The following STK25 variants were observed in gnomAD, a reference collection of about 807,000 sequenced individuals.
STK25 encodes serine/threonine kinase 25.
In STK25, 29 loss-of-function variants were observed where a neutral mutation model predicts 53.8. The observed-to-expected ratio is 0.54, with a 90% CI of 0.40 to 0.74. The LOEUF is 0.74. Among genes scored for constraint, STK25 ranks in the 30% least tolerant of loss-of-function variants. The pLI is 0.00. For synonymous variants in STK25, 247 were observed against 238.3 expected (o/e 1.04, Z -0.33); for missense variants, 420 against 568.0 (o/e 0.74, Z 2.65).
rs2065193033 is a variant in STK25 at position 241,496,783 on chromosome 2, C to T, written c.1105-249G>A. On this transcript the variant is annotated intron_variant, in intron 10 of 11. Transcript: ENST00000316586. The surrounding 1 kb of genome is among the most constrained non-coding windows in gnomAD (Gnocchi z 5.8). ...CCCCTACACTCCGGGGAATCTCGGACCTCGGTTCTCAGGAGGGGACCAGAT... is the reference window on the plus strand; with the variant it reads ...CCCCTACACTCCGGGGAATCTCGGATCTCGGTTCTCAGGAGGGGACCAGAT... 6.6e-6 allele frequency among the ~76,000 whole-genome samples: 1 copy of T among 152,282 alleles called. No homozygotes were observed. The highest frequency in any genetic ancestry group is 2.1e-4 in the South Asian group (1 of 4,828).
rs567230316 is a variant in STK25, at chr2:241,496,652, C to G, written c.1105-118G>C. 1.7e-4 allele frequency: 206 copies of G among 1,180,640 alleles called. 1 individual carries two copies. In the South Asian group the frequency reaches 3.1e-3, roughly 18 times the overall value. The allele number at this position is 1,180,640 out of a possible 1,614,324, so 73.1% of individuals were successfully genotyped here. ...TCAGGGCTCTCGCCTAGGAGCCACA[C>G]CCGGGAGCCCTTCAGCAAGCCGGGA... On this transcript the variant is annotated intron_variant, in intron 10 of 11. Transcript: ENST00000316586. The surrounding 1 kb of genome is among the most constrained non-coding windows in gnomAD (Gnocchi z 5.8).
Position 241,494,052 on chromosome 2 carries a change from C to A in STK25, c.*1610G>T. On this transcript the variant is annotated 3_prime_UTR_variant, in exon 12 of 12. Transcript: ENST00000316586. This position sits in a 1 kb window ranked among gnomAD's most constrained non-coding sequence, Gnocchi z 4.9. ...GGGGCCAGCAGCTCAGCCGGGAGGGCCCCAAGCATCGTGCAGGATGGCCCC... is the reference window on the plus strand; with the variant it reads ...GGGGCCAGCAGCTCAGCCGGGAGGGACCCAAGCATCGTGCAGGATGGCCCC... 2 of 1,423,840 alleles carry A rather than the reference C, an allele frequency of 1.4e-6. No homozygotes were observed. The highest frequency in any genetic ancestry group is 9.2e-7 in the Non-Finnish European group (1 of 1,088,540). 88.2% of individuals were successfully genotyped at this position (1,423,840 alleles called of 1,614,324 possible).
intron 5 of STK25, chr2:241,499,642 C>A: frequency 3.3e-6 from 2 of 605,288 alleles, no homozygotes; most frequent in Non-Finnish European, 5.8e-6. Flanking sequence ...GCTCTTCCTG[C>A]ATTTGGCTTT....
chr2:241,499,224 T>C, intron 6 of STK25, 33 bp downstream of exon 6: 1 of 1,613,772 alleles, frequency 6.2e-7, no homozygotes, highest in East Asian at 2.2e-5. Context: ...GAGCCAGGCA[T>C]GGTGCCCGCA....
intron 5 of STK25, 180 bp downstream of exon 5, chr2:241,499,990 CGTT>C: frequency 1.4e-6 from 1 of 692,072 alleles, no homozygotes; most frequent in Middle Eastern, 2.3e-4. Flanking sequence ...ACAAGGAAAC[CGTT>C]ACAAGTAGTA....
upstream of STK25, chr2:241,508,716 A>AGG (rs1320511933): frequency 2.0e-6 from 2 of 984,036 alleles, no homozygotes; most frequent in African/African-American, 3.6e-5. Context: ...AGGCTGCGCG[A>AGG]GAGGGGGCCG....
intron 2 of STK25, among the ~76,000 whole-genome samples, chr2:241,507,022 C>T (rs1355703220): frequency 6.6e-6 from 1 of 152,146 alleles, no homozygotes; most frequent in Non-Finnish European, 1.5e-5. Flanking sequence ...AGTTCCTGCC[C>T]CTACGCGAAC....
rs1474852613 is a variant in STK25, at chr2:241,493,171, G to A, written c.*2491C>T. On this transcript the variant is annotated 3_prime_UTR_variant, in exon 12 of 12. Transcript: ENST00000316586. ...CACACACCCTGTGCTGTGTGAACAG[G>A]GAAACTGGCTCCCTTGGCCCGTGGG... 1.6e-6 allele frequency: 2 copies of A among 1,262,676 alleles called. No homozygotes were observed. The highest frequency in any genetic ancestry group is 4.7e-5 in the East Asian group (2 of 42,212). 78.2% of individuals were successfully genotyped at this position (1,262,676 alleles called of 1,614,324 possible). A position where few individuals can be genotyped will look rare whatever the true frequency, so the allele number is the denominator to read the frequency against.
rs1185706982 is a variant in STK25, at chr2:241,493,788, G to A, written c.*1874C>T. 4.1e-6 allele frequency: 2 copies of A among 485,444 alleles called. No homozygotes were observed. Among genetic ancestry groups the A allele is most frequent in the East Asian group, 6.9e-5 (2 of 28,864 alleles). 30.1% of individuals were successfully genotyped at this position (485,444 alleles called of 1,614,324 possible). Reference sequence around the variant, plus strand: ...ATTTTTGTATTTTTAGTAGAGACAGGGTTTCACCATGTTGGCCAGGCTGGT... The same window carrying A: ...ATTTTTGTATTTTTAGTAGAGACAGAGTTTCACCATGTTGGCCAGGCTGGT... On this transcript the variant is annotated 3_prime_UTR_variant, in exon 12 of 12. Coordinates refer to ENST00000316586, the MANE Select transcript of STK25 (RefSeq NM_001271977.2).
rs2065201485 is a variant in STK25, at chr2:241,496,896, C to T, written c.1105-362G>A. Among the ~76,000 whole-genome samples the T allele has an allele frequency of 1.3e-5, 2 of 152,210 alleles. No individual in the cohort carries two copies. The highest frequency in any genetic ancestry group is 6.5e-5 in the Admixed American group (1 of 15,290). The stretch of plus-strand genomic sequence containing the variant: ...GAAGCCCAGAAACCCCCAAAGCACA[C>T]GGCACCGCCAGGCCCAGATCTGACC... On this transcript the variant is annotated intron_variant, in intron 10 of 11. Transcript: ENST00000316586. This position sits in a 1 kb window ranked among gnomAD's most constrained non-coding sequence, Gnocchi z 5.8.
At chr2:241,507,432 T>C (rs2065902679) in intron 2 of STK25, among the ~76,000 whole-genome samples, 1 of 152,234 alleles carries the variant, frequency 6.6e-6, no homozygotes, top group Admixed American at 6.5e-5. Flanking sequence ...CAACCGCCCG[T>C]CGCAGGGGTT....
Position 241,493,414 on chromosome 2 carries a change from T to C in STK25, c.*2248A>G. ...CAGTTCAAATCCCACGTCTACTTCT[T>C]CCGGGCTGAGAGCAAGTACACATTT... On this transcript the variant is annotated 3_prime_UTR_variant, in exon 12 of 12. Coordinates refer to ENST00000316586, the MANE Select transcript of STK25 (RefSeq NM_001271977.2). The C allele has an allele frequency of 2.5e-6, 4 of 1,613,884 alleles. No individual in the cohort carries two copies. The highest frequency in any genetic ancestry group is 3.4e-6 in the Non-Finnish European group (4 of 1,180,008).
In STK25 at chr2:241,501,619, G is replaced by T; in HGVS notation, c.120C>A (p.Asn40Lys). ...SFGEVYKGIDNHTKEVVAIKI... is the reference protein window; with the variant it reads ...SFGEVYKGIDKHTKEVVAIKI... ...TGATGGCCACCACCTCCTTTGTGTG[G>T]TTATCGATGCCCTTGTAGACCTCCC... is the stretch of plus-strand genomic sequence containing the variant. The change falls in exon 3 of 12, where the codon AAC becomes AAA. Residue 40 changes from asparagine (N) to lysine (K), a missense_variant. Physicochemically the swap from Asn to Lys is moderately conservative, Grantham distance 94 (BLOSUM62 0). Transcript: ENST00000316586. The surrounding 1 kb of genome is among the most constrained non-coding windows in gnomAD (Gnocchi z 5.3). 6.2e-7 allele frequency: 1 copy of T among 1,614,142 alleles called. No individual in the cohort carries two copies. The highest frequency in any genetic ancestry group is 8.5e-7 in the Non-Finnish European group (1 of 1,180,036).
rs767645058 is a variant in STK25, at chr2:241,499,113, G to C, written c.647C>G (p.Ser216Cys). 6.2e-7 allele frequency: 1 copy of C among 1,614,060 alleles called. No individual in the cohort carries two copies. Among genetic ancestry groups the C allele is most frequent in the South Asian group, 1.1e-5 (1 of 91,090 alleles). The change falls in exon 7 of 12, where the codon TCT (serine) becomes TGT (cysteine). Residue 216 changes from serine (S) to cysteine (C), a missense_variant. Transcript: ENST00000316586. ...IELAKGEPPN[S>C]DLHPMRVLFL... is the part of the protein sequence containing the mutation. ...CAGGACGCGCATGGGGTGGAGGTCAGAGTTTGGAGGCTCCCCCTTGGCCAG... is the reference window on the plus strand; with the variant it reads ...CAGGACGCGCATGGGGTGGAGGTCACAGTTTGGAGGCTCCCCCTTGGCCAG...
intron 2 of STK25, among the ~76,000 whole-genome samples, chr2:241,503,642 G>C (rs2065641070): frequency 6.6e-6 from 1 of 150,392 alleles, no homozygotes; most frequent in African/African-American, 2.4e-5. Flanking sequence ...GAACCCAGGA[G>C]GCGGAGATCG....
At chr2:241,507,619 C>T (rs1352372465) in intron 2 of STK25, among the ~76,000 whole-genome samples, 3 of 152,214 alleles carry the variant, frequency 2.0e-5, no homozygotes, top group Non-Finnish European at 4.4e-5. Context: ...GAATGACCCG[C>T]GGCCCAGGCC....
In STK25 at chr2:241,495,336, C is replaced by G. The variant is rs563094650; in HGVS notation, c.*326G>C. On this transcript the variant is annotated 3_prime_UTR_variant, in exon 12 of 12. Coordinates refer to ENST00000316586, the MANE Select transcript of STK25 (RefSeq NM_001271977.2). ...TGCTCTGCGCCTTGGTCTGAGCGGC[C>G]ATAGGGCTGCATGAGTCTGCAGAAG... is the stretch of plus-strand genomic sequence containing the variant. The G allele has an allele frequency of 3.0e-6, 1 of 328,152 alleles. No homozygotes were observed. Among genetic ancestry groups the G allele is most frequent in the African/African-American group, 2.1e-5 (1 of 47,298 alleles). 20.3% of individuals were successfully genotyped at this position (328,152 alleles called of 1,614,324 possible).
rs918086539 is a variant in STK25, at chr2:241,495,564, C to T, written c.*98G>A. On this transcript the variant is annotated 3_prime_UTR_variant, in exon 12 of 12. Coordinates refer to ENST00000316586, the MANE Select transcript of STK25 (RefSeq NM_001271977.2). Reference sequence around the variant, plus strand: ...GGGATCCGACGTGTCCCTGCAGGCACGACATAGCACAGGGCACCTTCCAAG... The same window carrying T: ...GGGATCCGACGTGTCCCTGCAGGCATGACATAGCACAGGGCACCTTCCAAG... 2.9e-5 allele frequency: 40 copies of T among 1,393,366 alleles called. No individual in the cohort carries two copies. The highest frequency in any genetic ancestry group is 4.6e-5 in the East Asian group (2 of 43,628). 86.3% of individuals were successfully genotyped at this position (1,393,366 alleles called of 1,614,324 possible).
chr2:241,506,069 C>T (rs1394417395), intron 2 of STK25, among the ~76,000 whole-genome samples: 1 of 152,236 alleles, frequency 6.6e-6, no homozygotes, highest in African/African-American at 2.4e-5. Context: ...GCTCTGGCAC[C>T]CCACAGCCAT....
Sources: allele counts gnomAD v4.1 joint callset (sites outside exome capture counted in the v4.1 genomes callset), GRCh38; gene constraint gnomAD v4.1.1; non-coding constraint Gnocchi (gnomAD v3.1); transcripts MANE v1.5; gene names NCBI Gene and HGNC (gene_info 2026-07-23, HGNC 2026-07-21).